SPTAN1: variants seen among roughly 807,000 people sequenced by gnomAD.
SPTAN1 encodes spectrin alpha, non-erythrocytic 1, also known as spectrin alpha chain, non-erythrocytic 1.
A neutral mutation model predicts 331.3 loss-of-function variants in SPTAN1; 61 were observed. That is an observed-to-expected ratio of 0.18 (90% CI 0.15 to 0.23). The LOEUF is 0.23. Ranked by LOEUF, SPTAN1 falls within the 10% of genes least tolerant of loss-of-function variation. The pLI, the probability that SPTAN1 is intolerant of heterozygous loss-of-function variation, is 1.00. For synonymous variants in SPTAN1, 1,153 were observed against 1,173.9 expected (o/e 0.98, Z 0.36); for missense variants, 2,043 against 3,147.9 (o/e 0.65, Z 8.40).
intron 45 of SPTAN1, among the ~76,000 whole-genome samples, chr9:128,623,237 T>A (rs2131892373): frequency 6.6e-6 from 1 of 151,386 alleles, no homozygotes; most frequent in South Asian, 2.1e-4. Context: ...CTTTCTTTTT[T>A]TCTTTTTTTT....
chr9:128,608,917 T>A lies in SPTAN1; in HGVS notation c.4535T>A (p.Ile1512Asn), dbSNP rs374500733. Residue 1512 changes from isoleucine to asparagine, a missense_variant, in exon 35 of 57, where the codon ATC becomes AAC. Coordinates refer to ENST00000372739, the MANE Select transcript of SPTAN1 (RefSeq NM_001130438.3). ...CTGCAGGCCTTTGCCGACCAGCTCA[T>A]CGCTGCCGGCCATTATGCCAAGGGA... The part of the protein sequence containing the change: ...AALQAFADQL[I>N]AAGHYAKGDI... 5 of 1,614,232 alleles carry A rather than the reference T, an allele frequency of 3.1e-6. No individual in the cohort carries two copies. Among genetic ancestry groups the A allele is most frequent in the Non-Finnish European group, 4.2e-6 (5 of 1,180,032 alleles).
chr9:128,603,441 AT>A lies in SPTAN1; in HGVS notation c.3580-99del, dbSNP rs143101249. 1.6e-3 allele frequency: 2,000 copies of A among 1,224,670 alleles called. 17 individuals are homozygous for A. In the African/African-American group the frequency reaches 0.025, roughly 15 times the overall value. 75.9% of individuals were successfully genotyped at this position (1,224,670 alleles called of 1,614,324 possible). On this transcript the variant is annotated intron_variant, in intron 27 of 56. Coordinates refer to ENST00000372739, the MANE Select transcript of SPTAN1 (RefSeq NM_001130438.3). ...ATGTTGACAGTATCCCTTTAAGGTA[AT>A]TTGGGTTAATCACAGGGACCTAATC...
intron 51 of SPTAN1, chr9:128,628,192 TCA>T (rs1236272348): frequency 1.5e-6 from 1 of 670,486 alleles, no homozygotes; most frequent in Non-Finnish European, 2.8e-6. Context: ...TTCCAAGGGC[TCA>T]CTTTGGGTAG....
rs748019516 is a variant in SPTAN1 at position 128,611,698 on chromosome 9, T to C, written c.4774-16T>C. The C allele has an allele frequency of 6.2e-7, 1 of 1,613,654 alleles. No individual in the cohort carries two copies. The highest frequency in any genetic ancestry group is 8.5e-7 in the Non-Finnish European group (1 of 1,179,994). ...AGCAGGAACTGGTTTGGAAAAAATT[T>C]TTTTGGTATTTTTAGAGCAAGCACC... is the stretch of plus-strand genomic sequence containing the variant. On this transcript the variant is annotated splice_polypyrimidine_tract_variant and intron_variant, in intron 37 of 56. Coordinates refer to ENST00000372739, the MANE Select transcript of SPTAN1 (RefSeq NM_001130438.3).
chr9:128,567,566 G>C (rs959511056), intron 2 of SPTAN1, among the ~76,000 whole-genome samples: 1 of 152,172 alleles, frequency 6.6e-6, no homozygotes, highest in Non-Finnish European at 1.5e-5. Flanking sequence ...TGGGATTACA[G>C]GCGTGAGCCA....
Position 128,625,046 on chromosome 9 carries a change from C to T in SPTAN1, c.5993-57C>T. The T allele has an allele frequency of 6.5e-6, 10 of 1,538,412 alleles. No individual in the cohort carries two copies. Among genetic ancestry groups the T allele is most frequent in the Non-Finnish European group, 9.0e-6 (10 of 1,111,368 alleles). ...GTTTGTCTGGGTTTTGATGTTTTTCCTTTCTAATCCATCTCCACTGAGGAG... is the reference window on the plus strand; with the variant it reads ...GTTTGTCTGGGTTTTGATGTTTTTCTTTTCTAATCCATCTCCACTGAGGAG... On this transcript the variant is annotated intron_variant, in intron 46 of 56. Coordinates refer to ENST00000372739, the MANE Select transcript of SPTAN1 (RefSeq NM_001130438.3). This position sits in a 1 kb window ranked among gnomAD's most constrained non-coding sequence, Gnocchi z 4.1.
intron 20 of SPTAN1, among the ~76,000 whole-genome samples, chr9:128,587,931 C>G (rs893285135): frequency 2.0e-5 from 3 of 151,966 alleles, no homozygotes; most frequent in Admixed American, 6.6e-5. Flanking sequence ...CTGCAACCTC[C>G]GCCTCCTGGG....
intron 18 of SPTAN1, among the ~76,000 whole-genome samples, chr9:128,585,325 G>A (rs1408230967): frequency 6.6e-6 from 1 of 152,120 alleles, no homozygotes; most frequent in Non-Finnish European, 1.5e-5. Flanking sequence ...CACCGCGCCT[G>A]GCTCCGAGCC....
intron 41 of SPTAN1, among the ~76,000 whole-genome samples, chr9:128,617,208 T>C (rs1046646849): frequency 6.0e-5 from 9 of 151,194 alleles, no homozygotes; most frequent in African/African-American, 2.2e-4. Flanking sequence ...CATTGCACTT[T>C]AGCCTGGGCA....
intron 56 of SPTAN1, 98 bp from the exon 57 acceptor site, chr9:128,633,111 G>T: frequency 1.3e-6 from 2 of 1,596,752 alleles, no homozygotes. Flanking sequence ...TCTGCTTGTA[G>T]AAGCAGCTCC....
chr9:128,571,731 T>C (rs576723855), intron 3 of SPTAN1, among the ~76,000 whole-genome samples: 1 of 152,358 alleles, frequency 6.6e-6, no homozygotes, highest in Admixed American at 6.5e-5. Flanking sequence ...TTCCCTATTA[T>C]GTGAGAGTAG....
At chr9:128,624,980 TGTA>T in intron 46 of SPTAN1, 120 bp from the exon 47 acceptor site, 2 of 931,270 alleles carry the variant, frequency 2.1e-6, no homozygotes, top group Non-Finnish European at 3.5e-6. Flanking sequence ...GTTCTGAGGC[TGTA>T]GTTAGGAAGA....
intron 1 of SPTAN1, among the ~76,000 whole-genome samples, chr9:128,553,986 A>G (rs970030061): frequency 1.9e-4 from 29 of 152,356 alleles, no homozygotes; most frequent in African/African-American, 7.0e-4. Context: ...ATATGAAGCC[A>G]TTGAGTCAAG....
At position 128,579,673 on chromosome 9, in the gene SPTAN1, G is replaced by A. The variant is rs142410041; in HGVS notation, c.1258G>A (p.Ala420Thr). ...IDAHEDSFKS[A>T]DESGQALLAA... is the part of the protein sequence containing the mutation. ...TGCCCATGAAGACAGCTTCAAATCT[G>A]CAGATGAATCTGGACAGGCACTGCT... Residue 420 changes from alanine to threonine, a missense_variant, in exon 10 of 57, where the codon GCA becomes ACA. Coordinates refer to ENST00000372739, the MANE Select transcript of SPTAN1 (RefSeq NM_001130438.3). The A allele has an allele frequency of 1.2e-6, 2 of 1,613,968 alleles. No homozygotes were observed. Among genetic ancestry groups the A allele is most frequent in the Non-Finnish European group, 1.7e-6 (2 of 1,180,006 alleles).
chr9:128,593,953 C>T (rs907305284), intron 23 of SPTAN1: 5 of 569,442 alleles, frequency 8.8e-6, no homozygotes, highest in African/African-American at 5.5e-5. Flanking sequence ...CTGTTCTAGC[C>T]ACCTGGTTGT....
At chr9:128,569,939 T>C (rs529825622) in intron 3 of SPTAN1, among the ~76,000 whole-genome samples, 2 of 152,298 alleles carry the variant, frequency 1.3e-5, no homozygotes, top group African/African-American at 4.8e-5. Context: ...CTATTACTAA[T>C]AATGATGATT....
chr9:128,557,916 G>A (rs1164433952), intron 1 of SPTAN1, among the ~76,000 whole-genome samples: 1 of 146,240 alleles, frequency 6.8e-6, no homozygotes, highest in Admixed American at 7.2e-5. Context: ...CCATTCTCCT[G>A]CCTCAGCCTC....
intron 21 of SPTAN1, among the ~76,000 whole-genome samples, chr9:128,591,053 A>G (rs1853430005): frequency 1.2e-5 from 1 of 85,938 alleles, no homozygotes; most frequent in South Asian, 4.7e-4. Context: ...AGTGATTTTA[A>G]TATCATTTTG....
chr9:128,560,443 T>TGATCTCA (rs1387343652), intron 1 of SPTAN1, among the ~76,000 whole-genome samples: 1 of 151,398 alleles, frequency 6.6e-6, no homozygotes, highest in East Asian at 2.0e-4. Context: ...TGCAGGGGCT[T>TGATCTCA]GATCTCAGCT....
Sources: gnomAD v4.1 joint callset for allele counts (sites outside exome capture counted in the v4.1 genomes callset) on GRCh38, gnomAD v4.1.1 for gene constraint, Gnocchi (gnomAD v3.1) non-coding constraint, MANE v1.5 for transcripts, NCBI Gene and HGNC (gene_info 2026-07-23, HGNC 2026-07-21) for gene names.